COL6A6: variants seen among roughly 807,000 people sequenced by gnomAD.
COL6A6 encodes collagen type VI alpha 6 chain, also known as collagen alpha-6(VI) chain.
Under a neutral mutation model 208.6 loss-of-function variants are expected in COL6A6, and 183 were observed. The observed-to-expected ratio is 0.88, with a 90% CI of 0.78 to 0.99. The LOEUF (loss-of-function observed/expected upper bound fraction) is 0.99, where lower values mean the gene tolerates loss of function less well. Ranked by LOEUF, COL6A6 falls within the 50% of genes least tolerant of loss-of-function variation. The pLI is 0.00. For synonymous variants in COL6A6, 973 were observed against 1,011.8 expected (o/e 0.96, Z 0.73); for missense variants, 2,816 against 2,815.2 (o/e 1.00, Z -0.01).
At chr3:130,640,316 C>T (rs1250330214) in intron 28 of COL6A6, among the ~76,000 whole-genome samples, 1 of 152,024 alleles carries the variant, frequency 6.6e-6, no homozygotes, top group Non-Finnish European at 1.5e-5. Flanking sequence ...TCCAGATTCA[C>T]ATTTTATGGC....
chr3:130,657,617 G>C (rs918076951), intron 33 of COL6A6, among the ~76,000 whole-genome samples: 2 of 152,182 alleles, frequency 1.3e-5, no homozygotes, highest in African/African-American at 4.8e-5. Flanking sequence ...TAGGTTTTCA[G>C]TTAGTACGTA....
intron 27 of COL6A6, among the ~76,000 whole-genome samples, chr3:130,634,909 A>C (rs746231059): frequency 2.6e-5 from 4 of 152,168 alleles, no homozygotes; most frequent in Non-Finnish European, 5.9e-5. Context: ...CCTTCCCTCT[A>C]TCATATATAT....
chr3:130,579,678 C>A (rs755003683), intron 8 of COL6A6, among the ~76,000 whole-genome samples: 2 of 152,204 alleles, frequency 1.3e-5, no homozygotes, highest in Non-Finnish European at 2.9e-5. Context: ...TCAGCTTTCT[C>A]CCTAGCTCAC....
intron 3 of COL6A6, among the ~76,000 whole-genome samples, chr3:130,564,659 A>G (rs547504260): frequency 6.6e-6 from 1 of 152,364 alleles, no homozygotes; most frequent in African/African-American, 2.4e-5. Flanking sequence ...GATGATGCTT[A>G]AATGATTTTA....
At chr3:130,658,259 T>G (rs1209189950) in intron 33 of COL6A6, among the ~76,000 whole-genome samples, 1 of 152,212 alleles carries the variant, frequency 6.6e-6, no homozygotes, top group Non-Finnish European at 1.5e-5. Context: ...CTTTTAACGT[T>G]TCATTGAGCT....
In COL6A6 at chr3:130,634,989, C is replaced by T. The variant is rs112830733; in HGVS notation, c.5028+364C>T. On this transcript the variant is annotated intron_variant, in intron 27 of 36. Coordinates refer to ENST00000358511, the MANE Select transcript of COL6A6 (RefSeq NM_001102608.3). Reference sequence around the variant, plus strand: ...GTGGCTCATGCCTGTAATCCCAGCACTTTGGGAGGCCAAGGCAGGTGGATC... The same window carrying T: ...GTGGCTCATGCCTGTAATCCCAGCATTTTGGGAGGCCAAGGCAGGTGGATC... Among the ~76,000 whole-genome samples the T allele has an allele frequency of 4.3e-3, 658 of 152,164 alleles. 1 individual carries two copies. The highest frequency in any genetic ancestry group is 0.014 in the South Asian group (68 of 4,824).
chr3:130,672,392 A>AT (rs2066240092), intron 36 of COL6A6, among the ~76,000 whole-genome samples: 1 of 149,744 alleles, frequency 6.7e-6, no homozygotes, highest in African/African-American at 2.6e-5. Context: ...CAATTCTCAA[A>AT]TTGAGTAATC....
chr3:130,606,972 A>G lies in COL6A6; in HGVS notation c.4689+6A>G. 2 of 1,606,496 alleles carry G rather than the reference A, an allele frequency of 1.2e-6. No individual in the cohort carries two copies. Among genetic ancestry groups the G allele is most frequent in the African/African-American group, 1.3e-5 (1 of 74,822 alleles). The stretch of plus-strand genomic sequence containing the variant: ...GGGGACATACAGGCCCACAGGTACA[A>G]TGATTTTTCCCCTTAACTCCAAATA... On this transcript the variant is annotated splice_donor_region_variant and intron_variant, in intron 21 of 36. Transcript: ENST00000358511.
chr3:130,570,865 T>C lies in COL6A6; in HGVS notation c.2449T>C (p.Ser817Pro), dbSNP rs1309761835. The change falls in exon 7 of 37, where the codon TCT becomes CCT. Residue 817 changes from serine to proline, a missense_variant. Coordinates refer to ENST00000358511, the MANE Select transcript of COL6A6 (RefSeq NM_001102608.3). ...AGACGTTGTGTTTGTCATTGATAGC[T>C]CTGGCAGTATTGACTATGATGAGTA... ...VLDVVFVIDS[S>P]GSIDYDEYNI... is the part of the protein sequence containing the mutation. The C allele has an allele frequency of 2.5e-6, 4 of 1,613,920 alleles. No homozygotes were observed. Among genetic ancestry groups the C allele is most frequent in the Non-Finnish European group, 2.5e-6 (3 of 1,179,844 alleles).
intron 1 of COL6A6, among the ~76,000 whole-genome samples, chr3:130,531,938 T>A (rs920883766): frequency 1.3e-5 from 2 of 152,232 alleles, no homozygotes; most frequent in African/African-American, 4.8e-5. Flanking sequence ...TGCCTTTTTC[T>A]GGTATAGAGA....
At chr3:130,586,797 CTAAG>C in intron 11 of COL6A6, 137 bp downstream of exon 11, 3 of 759,986 alleles carry the variant, frequency 3.9e-6, no homozygotes, top group Non-Finnish European at 6.0e-6. Flanking sequence ...AGTGAACAGC[CTAAG>C]TAAGAGGGTT....
chr3:130,560,300 C>T, intron 1 of COL6A6, 34 bp from the exon 2 acceptor site: 21 of 1,326,842 alleles, frequency 1.6e-5, no homozygotes, highest in Non-Finnish European at 2.2e-5. Flanking sequence ...CAAATAATAT[C>T]CACAACAATT....
At chr3:130,583,715 A>T (rs1202244574) in intron 10 of COL6A6, among the ~76,000 whole-genome samples, 1 of 152,162 alleles carries the variant, frequency 6.6e-6, no homozygotes, top group Non-Finnish European at 1.5e-5. Flanking sequence ...CAGTTTCTTC[A>T]CCTGTCAGAC....
intron 31 of COL6A6, among the ~76,000 whole-genome samples, chr3:130,644,605 A>G (rs559699223): frequency 2.6e-5 from 4 of 152,276 alleles, no homozygotes; most frequent in Non-Finnish European, 1.5e-5. Context: ...ATGTGTGTAC[A>G]TATATATAAA....
At chr3:130,602,758 G>C (rs1482192846) in intron 20 of COL6A6, among the ~76,000 whole-genome samples, 2 of 152,086 alleles carry the variant, frequency 1.3e-5, no homozygotes, top group Non-Finnish European at 2.9e-5. Flanking sequence ...ACACTATTTA[G>C]AATTTTATCT....
chr3:130,523,911 T>A (rs1467308723), intron 1 of COL6A6, among the ~76,000 whole-genome samples: 1 of 152,242 alleles, frequency 6.6e-6, no homozygotes, highest in Non-Finnish European at 1.5e-5. Context: ...CTGCATTCCC[T>A]GGGTTAATGC....
chr3:130,563,591 C>T lies in COL6A6; in HGVS notation c.588C>T (p.Ser196=). The change falls in exon 3 of 37, where the codon TCC becomes TCT. Residue 196 remains serine (S), a synonymous_variant. Transcript: ENST00000358511. ...LRTVRDLSMF[S]QNMTHIIKDV... Reference sequence around the variant, plus strand: ...CAGTCAGAGACCTCAGCATGTTTTCCCAAAACATGACACACATCATCAAGG... The same window carrying T: ...CAGTCAGAGACCTCAGCATGTTTTCTCAAAACATGACACACATCATCAAGG... The T allele has an allele frequency of 6.2e-7, 1 of 1,613,830 alleles. No homozygotes were observed. The highest frequency in any genetic ancestry group is 8.5e-7 in the Non-Finnish European group (1 of 1,179,860).
At position 130,635,732 on chromosome 3, in the gene COL6A6, A is replaced by G; in HGVS notation, c.5062A>G (p.Thr1688Ala). The G allele has an allele frequency of 6.2e-7, 1 of 1,612,708 alleles. No individual in the cohort carries two copies. Among genetic ancestry groups the G allele is most frequent in the Non-Finnish European group, 8.5e-7 (1 of 1,178,898 alleles). Residue 1688 changes from threonine to alanine, a missense_variant, in exon 28 of 37, where the codon ACT (threonine) becomes GCT (alanine). Coordinates refer to ENST00000358511, the MANE Select transcript of COL6A6 (RefSeq NM_001102608.3). ...TGGGGACCCTGGTGGTCCAGGAGAG[A>G]CTGGGCTGAAGGGAGCTAGAGGCAA... ...EIGDPGGPGE[T>A]GLKGARGKMI...
intron 18 of COL6A6, among the ~76,000 whole-genome samples, chr3:130,596,678 C>A (rs145489073): frequency 6.6e-6 from 1 of 152,086 alleles, no homozygotes; most frequent in Non-Finnish European, 1.5e-5. Flanking sequence ...CCCATCTTGA[C>A]GAGCTGTTTG....
Sources: gnomAD v4.1 joint callset for allele counts (sites outside exome capture counted in the v4.1 genomes callset) on GRCh38, gnomAD v4.1.1 for gene constraint, MANE v1.5 for transcripts, NCBI Gene and HGNC (gene_info 2026-07-23, HGNC 2026-07-21) for gene names.